The following CNTNAP5 variants were observed in gnomAD, a reference collection of about 807,000 sequenced individuals.
The protein encoded by CNTNAP5 is contactin associated protein family member 5.
In CNTNAP5, 72 loss-of-function variants were observed where a neutral mutation model predicts 150.2. The ratio of observed to expected loss-of-function variants is 0.48; its 90% CI spans 0.40 to 0.58. The LOEUF (loss-of-function observed/expected upper bound fraction) is 0.58, where lower values mean the gene tolerates loss of function less well. CNTNAP5 is among the 20% of genes least tolerant of loss of function. The pLI, the probability that CNTNAP5 is intolerant of heterozygous loss-of-function variation, is 0.00. For missense variants in CNTNAP5, 1,636 were observed against 1,626.2 expected, an observed-to-expected ratio of 1.01 and a Z score of -0.10; for synonymous variants, 672 against 619.8, an observed-to-expected ratio of 1.08 and a Z score of -1.25.
rs1691320950 is a variant in CNTNAP5 at position 124,398,551 on chromosome 2, C to G, written c.382-18892C>G. Among the ~76,000 whole-genome samples the G allele has an allele frequency of 2.0e-5, 3 of 151,868 alleles. No homozygotes were observed. In the South Asian group the frequency reaches 6.2e-4, roughly 32 times the overall value. On this transcript the variant is annotated intron_variant, in intron 3 of 23. Transcript: ENST00000682447. ...TGCTCTTTTTGCCCGGACTGGAGTACAATGGCCTGATCTTGGCTCACCACA... is the reference window on the plus strand; with the variant it reads ...TGCTCTTTTTGCCCGGACTGGAGTAGAATGGCCTGATCTTGGCTCACCACA...
intron 3 of CNTNAP5, among the ~76,000 whole-genome samples, chr2:124,388,824 G>T (rs6715600): frequency 0.087 from 13,283 of 152,042 alleles, 744 homozygotes; most frequent in African/African-American, 0.16. Flanking sequence ...GGGATTGTGG[G>T]TGCCCATTGT....
At chr2:124,349,171 A>C (rs1689810175) in intron 3 of CNTNAP5, among the ~76,000 whole-genome samples, 1 of 74,926 alleles carries the variant, frequency 1.3e-5, no homozygotes, top group Non-Finnish European at 2.6e-5. Flanking sequence ...TGAACATCAT[A>C]GAGTGTACTT....
chr2:124,873,973 T>C (rs1316704817), intron 21 of CNTNAP5, among the ~76,000 whole-genome samples: 2 of 152,092 alleles, frequency 1.3e-5, no homozygotes, highest in Non-Finnish European at 2.9e-5. Context: ...TGTGGTTTAG[T>C]ACATACTCTA....
At chr2:124,738,036 T>C (rs147696705) in intron 13 of CNTNAP5, among the ~76,000 whole-genome samples, 4 of 152,310 alleles carry the variant, frequency 2.6e-5, no homozygotes, top group Non-Finnish European at 5.9e-5. Context: ...TTTATTGCAA[T>C]TCTTAGTTTC....
rs539846081 is a variant in CNTNAP5 at position 124,691,707 on chromosome 2, G to A, written c.2077+43749G>A. 1.3e-4 allele frequency among the ~76,000 whole-genome samples: 20 copies of A among 152,144 alleles called. No homozygotes were observed. The East Asian group carries it at 3.1e-3, about 24-fold the overall frequency. On this transcript the variant is annotated intron_variant, in intron 13 of 23. Coordinates refer to ENST00000682447, the MANE Select transcript of CNTNAP5 (RefSeq NM_001367498.1). ...GTGAATTAATCATTCCATGCGCTCAGTGGTCCCAGTTTTCTTCAATTAGAC... is the reference window on the plus strand; with the variant it reads ...GTGAATTAATCATTCCATGCGCTCAATGGTCCCAGTTTTCTTCAATTAGAC...
chr2:124,107,757 G>C (rs1258254656), intron 1 of CNTNAP5, among the ~76,000 whole-genome samples: 1 of 152,182 alleles, frequency 6.6e-6, no homozygotes, highest in Admixed American at 6.5e-5. Flanking sequence ...TTTTGTCAAG[G>C]TTAAGGATGC....
At chr2:124,400,851 T>G (rs1474637003) in intron 3 of CNTNAP5, among the ~76,000 whole-genome samples, 1 of 151,864 alleles carries the variant, frequency 6.6e-6, no homozygotes, top group East Asian at 1.9e-4. Flanking sequence ...AACAGTCACT[T>G]CATTACCCCC....
intron 19 of CNTNAP5, among the ~76,000 whole-genome samples, chr2:124,814,213 T>C (rs1445757096): frequency 1.3e-5 from 2 of 152,032 alleles, no homozygotes; most frequent in African/African-American, 4.8e-5. Context: ...TCTAGGTCTT[T>C]GCACATTTTC....
At chr2:124,705,609 G>A (rs76892848) in intron 13 of CNTNAP5, among the ~76,000 whole-genome samples, 4 of 151,994 alleles carry the variant, frequency 2.6e-5, no homozygotes, top group African/African-American at 9.7e-5. Context: ...TTAAATAAAT[G>A]TTGAATTAAT....
At chr2:124,522,228 C>T (rs1694861523) in intron 8 of CNTNAP5, among the ~76,000 whole-genome samples, 1 of 152,196 alleles carries the variant, frequency 6.6e-6, no homozygotes, top group Non-Finnish European at 1.5e-5. Context: ...TGGTGATCCT[C>T]AGTGTTTTCT....
chr2:124,768,223 T>C (rs899007250), intron 16 of CNTNAP5, among the ~76,000 whole-genome samples: 1 of 151,766 alleles, frequency 6.6e-6, no homozygotes, highest in Non-Finnish European at 1.5e-5. Context: ...CTTGCAGAAA[T>C]TTGCTGAGCT....
intron 14 of CNTNAP5, among the ~76,000 whole-genome samples, chr2:124,758,527 C>A (rs531120403): frequency 6.6e-6 from 1 of 151,510 alleles, no homozygotes; most frequent in Non-Finnish European, 1.5e-5. Flanking sequence ...CATTAGGGGC[C>A]GACATGTTCC....
chr2:124,704,949 C>T lies in CNTNAP5; in HGVS notation c.2078-42280C>T, dbSNP rs1368686516. Among the ~76,000 whole-genome samples, 3 of 152,276 alleles carry T rather than the reference C, an allele frequency of 2.0e-5. No homozygotes were observed. In the East Asian group the frequency reaches 5.8e-4, roughly 29 times the overall value. ...CCACTTTTTCTAGGAGGCCTGTGCT[C>T]ATGGAGACACTCCTATGTAGTCTTG... On this transcript the variant is annotated intron_variant, in intron 13 of 23. Coordinates refer to ENST00000682447, the MANE Select transcript of CNTNAP5 (RefSeq NM_001367498.1).
At chr2:124,718,971 G>T (rs1271534368) in intron 13 of CNTNAP5, among the ~76,000 whole-genome samples, 1 of 151,096 alleles carries the variant, frequency 6.6e-6, no homozygotes, top group Admixed American at 6.6e-5. Flanking sequence ...CGGGAAATAA[G>T]ACCAGTGCCT....
intron 3 of CNTNAP5, among the ~76,000 whole-genome samples, chr2:124,290,853 T>C (rs1688269688): frequency 6.6e-6 from 1 of 152,002 alleles, no homozygotes; most frequent in Non-Finnish European, 1.5e-5. Flanking sequence ...CCCTGAGCCA[T>C]GCCAAGTCTC....
rs551217356 is a variant in CNTNAP5, at chr2:124,306,311, C to A, written c.381+63918C>A. Among the ~76,000 whole-genome samples the A allele has an allele frequency of 2.3e-3, 343 of 152,284 alleles. 1 individual carries two copies. Among genetic ancestry groups the A allele is most frequent in the African/African-American group, 8.0e-3 (332 of 41,554 alleles). On this transcript the variant is annotated intron_variant, in intron 3 of 23. Transcript: ENST00000682447. ...TTCTGCCTCTCACTTCTGCTTCACT[C>A]CCAGGCAGATCTTTCCACCTGGAAG...
At chr2:124,659,183 A>G (rs1481375630) in intron 13 of CNTNAP5, among the ~76,000 whole-genome samples, 4 of 152,214 alleles carry the variant, frequency 2.6e-5, no homozygotes, top group African/African-American at 9.6e-5. Flanking sequence ...TTTTTAGTTT[A>G]CCTAAGTTGT....
intron 19 of CNTNAP5, among the ~76,000 whole-genome samples, chr2:124,844,945 C>G (rs1207638623): frequency 6.6e-6 from 1 of 151,976 alleles, no homozygotes; most frequent in Non-Finnish European, 1.5e-5. Flanking sequence ...TTGATTTCCT[C>G]TTACCAATTT....
intron 3 of CNTNAP5, among the ~76,000 whole-genome samples, chr2:124,339,816 G>C (rs771956152): frequency 2.0e-5 from 3 of 152,072 alleles, no homozygotes; most frequent in African/African-American, 7.2e-5. Context: ...GGGTGATGCC[G>C]ATTGGTTGGA....
Sources: allele counts gnomAD v4.1 joint callset (sites outside exome capture counted in the v4.1 genomes callset), GRCh38; gene constraint gnomAD v4.1.1; transcripts MANE v1.5; gene names NCBI Gene and HGNC (gene_info 2026-07-23, HGNC 2026-07-21).